Variants in PSORS1C1 observed in about 807,000 individuals in gnomAD.
PSORS1C1 encodes the protein psoriasis susceptibility 1 candidate 1, also known as psoriasis susceptibility 1 candidate gene 1 protein.
PSORS1C1 carries 7 observed loss-of-function variants against 9.4 expected under a neutral mutation model. The ratio of observed to expected loss-of-function variants is 0.75; its 90% CI spans 0.42 to 1.40. The LOEUF (loss-of-function observed/expected upper bound fraction) is 1.40, where lower values mean the gene tolerates loss of function less well. Ranked by LOEUF, PSORS1C1 falls within the 40% of genes most tolerant of loss-of-function variation. PSORS1C1 has a pLI of 0.01. For synonymous variants in PSORS1C1, 63 were observed against 69.4 expected (o/e 0.91, Z 0.46); for missense variants, 146 against 178.1 (o/e 0.82, Z 1.02).
At chr6:31,123,931 C>T (rs1772569239) in intron 1 of PSORS1C1, among the ~76,000 whole-genome samples, 1 of 152,102 alleles carries the variant, frequency 6.6e-6, no homozygotes, top group Non-Finnish European at 1.5e-5. Flanking sequence ...TTTCCCCGGG[C>T]CTTGAGGAAT....
intron 3 of PSORS1C1, chr6:31,137,816 C>T (rs1561775164): frequency 2.2e-6 from 1 of 451,516 alleles, no homozygotes; most frequent in Non-Finnish European, 4.0e-6. Context: ...CTTACGGGTT[C>T]AGAATAAAAC....
At chr6:31,121,205 G>A (rs1359209691) in intron 1 of PSORS1C1, among the ~76,000 whole-genome samples, 1 of 152,048 alleles carries the variant, frequency 6.6e-6, no homozygotes, top group African/African-American at 2.4e-5. Flanking sequence ...GCTCAGCCAG[G>A]GGAGGGGCCT....
At chr6:31,123,865 C>T (rs3094206) in intron 1 of PSORS1C1, among the ~76,000 whole-genome samples, 18 of 152,152 alleles carry the variant, frequency 1.2e-4, no homozygotes, top group African/African-American at 4.1e-4. Context: ...CAGCGTAAGA[C>T]AGCAGCCTAG....
intron 3 of PSORS1C1, among the ~76,000 whole-genome samples, chr6:31,137,023 C>T: frequency 6.6e-6 from 1 of 152,004 alleles, no homozygotes; most frequent in South Asian, 2.1e-4. Flanking sequence ...TGGTGCGCAC[C>T]TGTAATCCCA....
intron 1 of PSORS1C1, chr6:31,117,993 G>A (rs3094212): frequency 0.57 from 98,564 of 172,064 alleles, 29,182 homozygotes; most frequent in East Asian, 0.71. Context: ...GCAGGAACAA[G>A]TAGGTCTAAA....
chr6:31,132,292 C>A (rs1407957441), intron 3 of PSORS1C1, among the ~76,000 whole-genome samples: 1 of 152,082 alleles, frequency 6.6e-6, no homozygotes, highest in African/African-American at 2.4e-5. Flanking sequence ...GAGGCCAAGG[C>A]GGGCAGATCA....
chr6:31,120,267 T>A, intron 1 of PSORS1C1: 1 of 1,268,288 alleles, frequency 7.9e-7, no homozygotes, highest in East Asian at 2.5e-5. Flanking sequence ...GCCTGTCCCC[T>A]TCGCTGGGTC....
intron 1 of PSORS1C1, chr6:31,116,003 C>A: frequency 1.3e-6 from 2 of 1,575,718 alleles, no homozygotes; most frequent in Non-Finnish European, 1.7e-6. Context: ...CCAAGGCATG[C>A]ACACACACAA....
chr6:31,121,892 A>G (rs2150962956), intron 1 of PSORS1C1, among the ~76,000 whole-genome samples: 1 of 152,354 alleles, frequency 6.6e-6, no homozygotes, highest in East Asian at 1.9e-4. Flanking sequence ...ATTAATTGTA[A>G]TGATGTGGTT....
In PSORS1C1 at chr6:31,128,569, G is replaced by T. The variant is rs1370376311; in HGVS notation, c.-64-1000G>T. Among the ~76,000 whole-genome samples, 1 of 152,096 alleles carries T rather than the reference G, an allele frequency of 6.6e-6. No homozygotes were observed. The highest frequency in any genetic ancestry group is 1.9e-4 in the East Asian group (1 of 5,196). On this transcript the variant is annotated intron_variant, in intron 2 of 5. Transcript: ENST00000259881. This position sits in a 1 kb window ranked among gnomAD's most constrained non-coding sequence, Gnocchi z 4.3. ...GAATTTGGGGAGGGAATTGATTACT[G>T]CCTCTGAGGATATTAGGGGGAAAAA...
intron 1 of PSORS1C1, chr6:31,118,836 T>C (rs1428442484): frequency 7.7e-6 from 1 of 130,440 alleles, no homozygotes; most frequent in African/African-American, 2.9e-5. Context: ...AGTTTTTTCT[T>C]CTTCTTCTTT....
chr6:31,125,503 G>A (rs191990771), intron 1 of PSORS1C1, among the ~76,000 whole-genome samples, 173 bp from the exon 2 acceptor site: 110 of 152,278 alleles, frequency 7.2e-4, no homozygotes, highest in Non-Finnish European at 1.3e-3. Context: ...CAAGAACATA[G>A]AAGGAGAGGG....
intron 1 of PSORS1C1, chr6:31,117,687 T>G: frequency 1.5e-6 from 1 of 672,860 alleles, no homozygotes; most frequent in Non-Finnish European, 2.6e-6. Flanking sequence ...CTATTGTCTC[T>G]AAAGGATATT....
intron 1 of PSORS1C1, chr6:31,120,493 C>G (rs1772402016): frequency 3.9e-6 from 5 of 1,289,424 alleles, no homozygotes; most frequent in Non-Finnish European, 4.4e-6. Flanking sequence ...CTGGACATTC[C>G]CTGGGCAGGA....
At chr6:31,121,265 C>A (rs901980968) in intron 1 of PSORS1C1, among the ~76,000 whole-genome samples, 3 of 152,118 alleles carry the variant, frequency 2.0e-5, no homozygotes, top group African/African-American at 7.2e-5. Flanking sequence ...ACAGGGCACT[C>A]ACAGCCCCTC....
Position 31,139,942 on chromosome 6 carries a change from A to G in PSORS1C1, c.*10A>G. The G allele has an allele frequency of 6.2e-7, 1 of 1,603,396 alleles. No homozygotes were observed. The highest frequency in any genetic ancestry group is 8.5e-7 in the Non-Finnish European group (1 of 1,173,978). ...CAGCTCCTTGATCTAAGCCTCCCAG[A>G]GAGACCCCTAGAACGTTTCCCTCAA... is the stretch of plus-strand genomic sequence containing the variant. On this transcript the variant is annotated 3_prime_UTR_variant, in exon 6 of 6. Transcript: ENST00000259881. This position sits in a 1 kb window ranked among gnomAD's most constrained non-coding sequence, Gnocchi z 5.2.
At chr6:31,117,006 C>T in intron 1 of PSORS1C1, 1 of 1,614,198 alleles carries the variant, frequency 6.2e-7, no homozygotes, top group Non-Finnish European at 8.5e-7. Flanking sequence ...TGCTGGATAC[C>T]CCAAAGGTCT....
At chr6:31,138,184 G>C (rs1028253324) in intron 3 of PSORS1C1, 1 of 1,582,018 alleles carries the variant, frequency 6.3e-7, no homozygotes, top group East Asian at 2.2e-5. Flanking sequence ...TCTTCAAAGA[G>C]AGGGGGTGCC....
chr6:31,120,204 A>G, intron 1 of PSORS1C1: 2 of 713,584 alleles, frequency 2.8e-6, no homozygotes, highest in Non-Finnish European at 4.9e-6. Flanking sequence ...ACCTGAGGCG[A>G]CCATACAGTG....
Sources: allele counts gnomAD v4.1 joint callset (sites outside exome capture counted in the v4.1 genomes callset), GRCh38; gene constraint gnomAD v4.1.1; non-coding constraint Gnocchi (gnomAD v3.1); transcripts MANE v1.5; gene names NCBI Gene and HGNC (gene_info 2026-07-23, HGNC 2026-07-21).